The following CHAF1B variants were observed in gnomAD, a reference collection of about 807,000 sequenced individuals.
CHAF1B encodes CAF-1 subunit B.
In CHAF1B, 10 loss-of-function variants were observed where a neutral mutation model predicts 60.7. The ratio of observed to expected loss-of-function variants is 0.16; its 90% confidence interval spans 0.10 to 0.28. The LOEUF is 0.28. CHAF1B is among the 10% of genes least tolerant of loss of function. CHAF1B has a pLI of 1.00. For missense variants in CHAF1B, 558 were observed against 708.4 expected (o/e 0.79, Z 2.41); for synonymous variants, 261 against 266.1 (o/e 0.98, Z 0.19).
At chr21:36,394,156 A>G (rs1424786688) in intron 4 of CHAF1B, among the ~76,000 whole-genome samples, 1 of 150,722 alleles carries the variant, frequency 6.6e-6, no homozygotes, top group East Asian at 2.0e-4. Context: ...GGCTCACTGC[A>G]ATCTCTGCCT....
At chr21:36,392,206 G>C (rs1329010339) in intron 4 of CHAF1B, among the ~76,000 whole-genome samples, 1 of 152,046 alleles carries the variant, frequency 6.6e-6, no homozygotes, top group African/African-American at 2.4e-5. Flanking sequence ...ACCCTGAGTT[G>C]ACACAGCACA....
chr21:36,391,356 T>C (rs2086084712), intron 3 of CHAF1B, among the ~76,000 whole-genome samples, 195 bp from the exon 4 acceptor site: 1 of 151,930 alleles, frequency 6.6e-6, no homozygotes, highest in African/African-American at 2.4e-5. Flanking sequence ...TTTTTTTGTA[T>C]TTTTAGTAGA....
Position 36,411,457 on chromosome 21 carries a change from C to A in CHAF1B, c.920-6C>A, listed in dbSNP as rs2086277567. ...GTTTTACTTTGTCTCTGTCCCCAACCCCCAGGTGTGGAGCTGATGAGTCTG... is the reference window on the plus strand; with the variant it reads ...GTTTTACTTTGTCTCTGTCCCCAACACCCAGGTGTGGAGCTGATGAGTCTG... On this transcript the variant is annotated splice_region_variant and splice_polypyrimidine_tract_variant and intron_variant, in intron 10 of 13. Coordinates refer to ENST00000314103, the MANE Select transcript of CHAF1B (RefSeq NM_005441.3). 6.2e-7 allele frequency: 1 copy of A among 1,613,556 alleles called. No individual in the cohort carries two copies. Among genetic ancestry groups the A allele is most frequent in the South Asian group, 1.1e-5 (1 of 91,038 alleles).
rs780937851 is a variant in CHAF1B, at chr21:36,413,014, G to A, written c.1192G>A (p.Ala398Thr). The A allele has an allele frequency of 1.2e-6, 2 of 1,614,052 alleles. No individual in the cohort carries two copies. Among genetic ancestry groups the A allele is most frequent in the African/African-American group, 2.7e-5 (2 of 74,922 alleles). ...PVLNMRTPDT[A>T]KKTKSQTHRG... ...TTTGAACATGAGAACTCCTGATACA[G>A]CAAAGAAAACCAAGAGTCAGACACA... Residue 398 changes from alanine (A) to threonine (T), a missense_variant, in exon 12 of 14, where the codon GCA becomes ACA. Coordinates refer to ENST00000314103, the MANE Select transcript of CHAF1B (RefSeq NM_005441.3).
At chr21:36,406,389 G>T (rs1294121061) in intron 8 of CHAF1B, among the ~76,000 whole-genome samples, 2 of 152,094 alleles carry the variant, frequency 1.3e-5, no homozygotes, top group African/African-American at 2.4e-5. Context: ...GAGTTCAAGT[G>T]ATTCTTCTGC....
At position 36,399,563 on chromosome 21, in the gene CHAF1B, C is replaced by T. The variant is rs767914372; in HGVS notation, c.621C>T (p.Phe207=). 72 of 1,613,982 alleles carry T rather than the reference C, an allele frequency of 4.5e-5. No homozygotes were observed. The highest frequency in any genetic ancestry group is 5.8e-5 in the Non-Finnish European group (68 of 1,180,000). ...VYSIQKKRVA[F]NVSKMLSGIG... is the part of the protein sequence containing the mutation. ...GTATACAGAAGAAGCGTGTGGCTTTCAATGTTTCGAAGATGCTGTCTGGAA... is the reference window on the plus strand; with the variant it reads ...GTATACAGAAGAAGCGTGTGGCTTTTAATGTTTCGAAGATGCTGTCTGGAA... Residue 207 remains phenylalanine (F), a synonymous_variant, in exon 7 of 14, where the codon TTC becomes TTT. Coordinates refer to ENST00000314103, the MANE Select transcript of CHAF1B (RefSeq NM_005441.3).
At chr21:36,407,505 AAGG>A (rs2086247454) in intron 8 of CHAF1B, among the ~76,000 whole-genome samples, 1 of 152,208 alleles carries the variant, frequency 6.6e-6, no homozygotes, top group African/African-American at 2.4e-5. Flanking sequence ...CAAGCAAAAT[AAGG>A]AGAAGTGTCA....
chr21:36,387,706 G>C lies in CHAF1B; in HGVS notation c.235G>C (p.Glu79Gln). 6.2e-7 allele frequency: 1 copy of C among 1,614,134 alleles called. No individual in the cohort carries two copies. The highest frequency in any genetic ancestry group is 2.2e-5 in the East Asian group (1 of 44,888). ...TGTTGTGCGTTTTTCTCCAACTGGGGAAATTTTAGCATCGGGAGGAGATGG... is the reference window on the plus strand; with the variant it reads ...TGTTGTGCGTTTTTCTCCAACTGGGCAAATTTTAGCATCGGGAGGAGATGG... ...VNVVRFSPTG[E>Q]ILASGGDDAV... Residue 79 changes from glutamate to glutamine, a missense_variant, in exon 3 of 14, where the codon GAA (glutamate) becomes CAA (glutamine). Glu to Gln is a conservative substitution (Grantham distance 29, BLOSUM62 2). Transcript: ENST00000314103.
At chr21:36,408,990 G>A (rs945510746) in intron 9 of CHAF1B, among the ~76,000 whole-genome samples, 160 bp downstream of exon 9, 1 of 152,044 alleles carries the variant, frequency 6.6e-6, no homozygotes, top group Non-Finnish European at 1.5e-5. Context: ...GAGTAGGTGG[G>A]ATTACAGGTG....
Position 36,397,507 on chromosome 21 carries a change from G to T in CHAF1B, c.574G>T (p.Asp192Tyr). Residue 192 changes from aspartate (D) to tyrosine (Y), a missense_variant, in exon 6 of 14, where the codon GAC (aspartate) becomes TAC (tyrosine). Physicochemically the swap from Asp to Tyr is radical, Grantham distance 160. Transcript: ENST00000314103. Reference protein sequence around the residue: ...LGQYVATLSCDRVLRVYSIQK... With the variant: ...LGQYVATLSCYRVLRVYSIQK... ...TCAATATGTTGCTACTCTGAGCTGTGACAGGTAAATTCAGCTTTGGCATTT... is the reference window on the plus strand; with the variant it reads ...TCAATATGTTGCTACTCTGAGCTGTTACAGGTAAATTCAGCTTTGGCATTT... 6.7e-7 allele frequency: 1 copy of T among 1,500,454 alleles called. No individual in the cohort carries two copies. The highest frequency in any genetic ancestry group is 1.3e-5 in the South Asian group (1 of 76,782). 92.9% of individuals were successfully genotyped at this position (1,500,454 alleles called of 1,614,324 possible). A position where few individuals can be genotyped will look rare whatever the true frequency, so the allele number is the denominator to read the frequency against.
intron 4 of CHAF1B, 63 bp downstream of exon 4, chr21:36,391,731 C>A: frequency 9.3e-7 from 1 of 1,075,656 alleles, no homozygotes; most frequent in Non-Finnish European, 1.4e-6. Context: ...ATGGAATATA[C>A]CTTTTGACTT....
Position 36,391,637 on chromosome 21 carries a change from AAGG to A in CHAF1B, c.349_351del (p.Glu117del). 3.1e-6 allele frequency: 5 copies of A among 1,613,402 alleles called. No homozygotes were observed. Among genetic ancestry groups the A allele is most frequent in the South Asian group, 1.1e-5 (1 of 91,082 alleles). On this transcript the variant is annotated inframe_deletion, in exon 4 of 14. Transcript: ENST00000314103. ...GGATGAGGACGAGGCCCAGCTGAAC[AAGG>A]AGAACTGGACGGTTGTGAAGACTCT...
intron 6 of CHAF1B, chr21:36,398,055 ATT>A (rs757116185): frequency 2.0e-4 from 26 of 132,618 alleles, no homozygotes; most frequent in Admixed American, 2.3e-4. Context: ...TATTATTACT[ATT>A]TTTTTTTTTT....
At position 36,409,750 on chromosome 21, in the gene CHAF1B, G is replaced by A. The variant is rs570689788; in HGVS notation, c.919+285G>A. Among the ~76,000 whole-genome samples the A allele has an allele frequency of 4.6e-5, 7 of 151,832 alleles. No homozygotes were observed. The East Asian group carries it at 1.2e-3, about 25-fold the overall frequency. ...TGGACTCAAGTGATCCACCTGCCTCGGCCTCCCAAAATGCTGGGATTACAG... is the reference window on the plus strand; with the variant it reads ...TGGACTCAAGTGATCCACCTGCCTCAGCCTCCCAAAATGCTGGGATTACAG... On this transcript the variant is annotated intron_variant, in intron 10 of 13. Coordinates refer to ENST00000314103, the MANE Select transcript of CHAF1B (RefSeq NM_005441.3).
chr21:36,409,198 G>A (rs992556392), intron 9 of CHAF1B, among the ~76,000 whole-genome samples, 176 bp from the exon 10 acceptor site: 8 of 136,176 alleles, frequency 5.9e-5, no homozygotes, highest in East Asian at 2.1e-4. Context: ...ATGGGGTTTC[G>A]TCATGTTGGC....
chr21:36,415,679 G>A, intron 13 of CHAF1B: 1 of 470,818 alleles, frequency 2.1e-6, no homozygotes, highest in South Asian at 2.1e-5. Flanking sequence ...TCTTTGTTGT[G>A]GAGGACTGTC....
At chr21:36,393,401 C>T (rs1416026363) in intron 4 of CHAF1B, among the ~76,000 whole-genome samples, 1 of 147,434 alleles carries the variant, frequency 6.8e-6, no homozygotes, top group East Asian at 2.0e-4. Flanking sequence ...TTCGGCTATA[C>T]ATTTTTCTTA....
chr21:36,389,683 TAA>T (rs2086066944), intron 3 of CHAF1B, among the ~76,000 whole-genome samples: 1 of 125,866 alleles, frequency 7.9e-6, no homozygotes, highest in African/African-American at 2.9e-5. Context: ...AACAGAAATC[TAA>T]AGTTTTTTTT....
chr21:36,394,977 C>T lies in CHAF1B; in HGVS notation c.481+327C>T, dbSNP rs145550179. 6.4e-3 allele frequency among the ~76,000 whole-genome samples: 970 copies of T among 151,314 alleles called. 14 individuals are homozygous for T. The highest frequency in any genetic ancestry group is 0.022 in the African/African-American group (895 of 41,224). ...AACTCCTAACCTCAGGTGATCTGCC[C>T]GCCTCAGCCTCCCAAAGTGCTGGGA... is the stretch of plus-strand genomic sequence containing the variant. On this transcript the variant is annotated intron_variant, in intron 5 of 13. Coordinates refer to ENST00000314103, the MANE Select transcript of CHAF1B (RefSeq NM_005441.3).
Sources: allele counts gnomAD v4.1 joint callset (sites outside exome capture counted in the v4.1 genomes callset), GRCh38; gene constraint gnomAD v4.1.1; transcripts MANE v1.5; gene names NCBI Gene and HGNC (gene_info 2026-07-23, HGNC 2026-07-21).